Variants in PARD3B observed in about 807,000 individuals in gnomAD.
PARD3B encodes the protein par-3 family cell polarity regulator beta.
In PARD3B, 103 loss-of-function variants were observed where a neutral mutation model predicts 130.2. The ratio of observed to expected loss-of-function variants is 0.79; its 90% CI spans 0.67 to 0.93. The LOEUF (loss-of-function observed/expected upper bound fraction) is 0.93, where lower values mean the gene tolerates loss of function less well. PARD3B is among the 40% of genes least tolerant of loss of function. The pLI is 0.00. For synonymous variants in PARD3B, 583 were observed against 553.2 expected (o/e 1.05, Z -0.76); for missense variants, 1,609 against 1,499.2 (o/e 1.07, Z -1.21).
At chr2:204,604,090 T>C (rs2033617362) in intron 1 of PARD3B, among the ~76,000 whole-genome samples, 1 of 152,184 alleles carries the variant, frequency 6.6e-6, no homozygotes, top group Non-Finnish European at 1.5e-5. Flanking sequence ...AGAAGACAAC[T>C]GTGGAGGCGA....
intron 18 of PARD3B, among the ~76,000 whole-genome samples, chr2:205,385,067 T>G (rs2045614408): frequency 6.6e-6 from 1 of 152,190 alleles, no homozygotes; most frequent in Admixed American, 6.6e-5. Flanking sequence ...ATTTTTAGGC[T>G]GATAGGATTT....
chr2:205,276,460 A>T lies in PARD3B; in HGVS notation c.2186-24070A>T, dbSNP rs1287881338. Among the ~76,000 whole-genome samples the T allele has an allele frequency of 6.6e-6, 1 of 152,248 alleles. No homozygotes were observed. The highest frequency in any genetic ancestry group is 1.5e-5 in the Non-Finnish European group (1 of 68,048). ...GTAAATCTGGTGAAAAGCTTCACCA[A>T]GAAAATGCTTTCTGAAAGAATTTAA... On this transcript the variant is annotated intron_variant, in intron 16 of 22. Coordinates refer to ENST00000406610, the MANE Select transcript of PARD3B (RefSeq NM_001302769.2). The surrounding 1 kb of genome is among the most constrained non-coding windows in gnomAD (Gnocchi z 5.0).
At chr2:205,492,865 A>G (rs149562102) in intron 20 of PARD3B, among the ~76,000 whole-genome samples, 1 of 152,154 alleles carries the variant, frequency 6.6e-6, no homozygotes, top group Non-Finnish European at 1.5e-5. Context: ...ATGTATTTTC[A>G]TTATGAGATG....
chr2:204,631,418 T>A (rs1388527567), intron 1 of PARD3B, among the ~76,000 whole-genome samples: 1 of 151,880 alleles, frequency 6.6e-6, no homozygotes, highest in Admixed American at 6.6e-5. Flanking sequence ...CCCAGCTAAT[T>A]TTTGTATTTT....
rs1490016138 is a variant in PARD3B at position 204,890,771 on chromosome 2, G to A, written c.223-74381G>A. On this transcript the variant is annotated intron_variant, in intron 2 of 22. Transcript: ENST00000406610. This position sits in a 1 kb window ranked among gnomAD's most constrained non-coding sequence, Gnocchi z 4.9. ...CCCCTCTTGCTCAGCCTCCCATCCT[G>A]TGTTCCCTCACTCATTTTTATTAAG... Among the ~76,000 whole-genome samples the A allele has an allele frequency of 6.6e-6, 1 of 152,192 alleles. No homozygotes were observed. Among genetic ancestry groups the A allele is most frequent in the Non-Finnish European group, 1.5e-5 (1 of 68,028 alleles).
At chr2:204,802,059 T>C (rs561828555) in intron 2 of PARD3B, among the ~76,000 whole-genome samples, 2 of 152,332 alleles carry the variant, frequency 1.3e-5, no homozygotes, top group Admixed American at 1.3e-4. Context: ...TGAAGCCAAC[T>C]TGATTGTAGT....
At chr2:205,444,482 A>T (rs2106173257) in intron 20 of PARD3B, among the ~76,000 whole-genome samples, 1 of 152,320 alleles carries the variant, frequency 6.6e-6, no homozygotes, top group Middle Eastern at 3.4e-3. Flanking sequence ...TTCTGAAGTT[A>T]TGCCTGAATA....
intron 21 of PARD3B, among the ~76,000 whole-genome samples, chr2:205,515,812 T>A (rs1013737372): frequency 6.6e-6 from 1 of 152,210 alleles, no homozygotes; most frequent in African/African-American, 2.4e-5. Context: ...TAGATCTCAT[T>A]TGTCAATTTT....
Position 205,409,818 on chromosome 2 carries a change from A to G in PARD3B, c.2741+8695A>G, listed in dbSNP as rs145040918. On this transcript the variant is annotated intron_variant, in intron 19 of 22. Transcript: ENST00000406610. ...TATGTAGTTGCAGGGCTGTTGGAAT[A>G]CATTCTGAAAAGGAATTATACTGAA... Among the ~76,000 whole-genome samples, 45 of 152,308 alleles carry G rather than the reference A, an allele frequency of 3.0e-4. 1 individual carries two copies. In the East Asian group the frequency reaches 8.3e-3, roughly 28 times the overall value.
chr2:205,532,254 T>G (rs983172219), intron 21 of PARD3B, among the ~76,000 whole-genome samples: 1 of 152,146 alleles, frequency 6.6e-6, no homozygotes, highest in African/African-American at 2.4e-5. Context: ...GAGTCATATT[T>G]TAGAGGCTTT....
At chr2:204,649,543 C>G (rs1320507777) in intron 1 of PARD3B, among the ~76,000 whole-genome samples, 1 of 151,702 alleles carries the variant, frequency 6.6e-6, no homozygotes, top group East Asian at 1.9e-4. Context: ...TACTGGTAAA[C>G]AACACCACCA....
chr2:205,024,428 C>CA (rs1331931674), intron 3 of PARD3B, among the ~76,000 whole-genome samples: 1 of 152,080 alleles, frequency 6.6e-6, no homozygotes, highest in Non-Finnish European at 1.5e-5. Flanking sequence ...CCCAGCCTCC[C>CA]AAAGTGCTGG....
chr2:204,876,498 C>T (rs2045849297), intron 2 of PARD3B, among the ~76,000 whole-genome samples: 1 of 152,190 alleles, frequency 6.6e-6, no homozygotes, highest in Admixed American at 6.5e-5. Context: ...AAGTGACAGA[C>T]ACCCCATGCT....
chr2:204,589,176 G>A (rs1486207421), intron 1 of PARD3B, among the ~76,000 whole-genome samples: 3 of 152,100 alleles, frequency 2.0e-5, no homozygotes, highest in Non-Finnish European at 4.4e-5. Flanking sequence ...GGCATAGTTA[G>A]GACAGAACAT....
intron 2 of PARD3B, among the ~76,000 whole-genome samples, chr2:204,864,982 C>G (rs1286313609): frequency 1.3e-5 from 2 of 152,056 alleles, no homozygotes. Context: ...ATAGACAGTT[C>G]TTAAAAGAAG....
At chr2:204,916,074 C>T (rs936598232) in intron 2 of PARD3B, among the ~76,000 whole-genome samples, 3 of 152,140 alleles carry the variant, frequency 2.0e-5, no homozygotes, top group African/African-American at 7.2e-5. Flanking sequence ...AGCGTGATAA[C>T]TGTGCATGTT....
At chr2:205,242,418 GC>G (rs1361603924) in intron 15 of PARD3B, among the ~76,000 whole-genome samples, 1 of 152,126 alleles carries the variant, frequency 6.6e-6, no homozygotes, top group Admixed American at 6.5e-5. Flanking sequence ...TAAAAACAAA[GC>G]AGCAAAAGCC....
In PARD3B at chr2:205,530,341, C is replaced by T. The variant is rs2051535446; in HGVS notation, c.3181-22983C>T. Reference sequence around the variant, plus strand: ...CTTTTAGGTGAGGAGTAGATGCCAACATCATAAGGATGTTGATGTAATTTA... The same window carrying T: ...CTTTTAGGTGAGGAGTAGATGCCAATATCATAAGGATGTTGATGTAATTTA... On this transcript the variant is annotated intron_variant, in intron 21 of 22. Transcript: ENST00000406610. The surrounding 1 kb of genome is among the most constrained non-coding windows in gnomAD (Gnocchi z 4.7). Among the ~76,000 whole-genome samples the T allele has an allele frequency of 6.6e-6, 1 of 152,168 alleles. No individual in the cohort carries two copies.
intron 4 of PARD3B, among the ~76,000 whole-genome samples, chr2:205,066,853 A>G (rs888846492): frequency 6.6e-6 from 1 of 151,942 alleles, no homozygotes; most frequent in African/African-American, 2.4e-5. Flanking sequence ...AGTAACTTTT[A>G]TTTTCAGTTT....
Sources: allele counts gnomAD v4.1 joint callset (sites outside exome capture counted in the v4.1 genomes callset), GRCh38; gene constraint gnomAD v4.1.1; non-coding constraint Gnocchi (gnomAD v3.1); transcripts MANE v1.5; gene names NCBI Gene and HGNC (gene_info 2026-07-23, HGNC 2026-07-21).